Variants in ANXA8 observed in about 807,000 individuals in gnomAD.
ANXA8 encodes VAC-beta.
ANXA8 carries 9 observed loss-of-function variants against 26.8 expected under a neutral mutation model. The observed-to-expected ratio is 0.34, with a 90% CI of 0.20 to 0.59. The LOEUF is 0.59. Ranked by LOEUF, ANXA8 falls within the 20% of genes least tolerant of loss-of-function variation. ANXA8 has a pLI of 0.84. For missense variants in ANXA8, 83 were observed against 238.5 expected (o/e 0.35, Z 4.29); for synonymous variants, 39 against 94.8 (o/e 0.41, Z 3.42).
At chr10:47,525,887 C>T in the ANXA8 span, among the ~76,000 whole-genome samples, 2 of 128,578 alleles carry the variant, frequency 1.6e-5, no homozygotes, top group African/African-American at 3.0e-5. Context: ...TCACTGCAAC[C>T]TCCGCCTCCC....
chr10:47,966,034 G>A, the ANXA8 span, among the ~76,000 whole-genome samples: 78 of 140,262 alleles, frequency 5.6e-4, 1 homozygote, highest in East Asian at 0.013. Flanking sequence ...GATGTGGGAG[G>A]AGGGCAAAGG....
chr10:47,736,953 C>A, the ANXA8 span, among the ~76,000 whole-genome samples: 1 of 151,836 alleles, frequency 6.6e-6, no homozygotes, highest in Non-Finnish European at 1.5e-5. Flanking sequence ...CTGCGCCCAG[C>A]CTTAATTGAA....
At chr10:47,899,622 G>C in the ANXA8 span, among the ~76,000 whole-genome samples, 2 of 45,704 alleles carry the variant, frequency 4.4e-5, 1 homozygote, top group Non-Finnish European at 8.4e-5. Flanking sequence ...CCATTCTCCT[G>C]CCTCAGCCTC....
the ANXA8 span, among the ~76,000 whole-genome samples, chr10:47,693,541 C>G: frequency 6.6e-6 from 1 of 151,880 alleles, no homozygotes; most frequent in Non-Finnish European, 1.5e-5. Context: ...CCGCCCGCCT[C>G]GGCCTCCCAA....
At chr10:47,680,354 G>C in the ANXA8 span, among the ~76,000 whole-genome samples, 1 of 151,864 alleles carries the variant, frequency 6.6e-6, no homozygotes, top group African/African-American at 2.4e-5. Flanking sequence ...TCGAACTGTG[G>C]CCCGGCGTGG....
At chr10:47,969,278 C>T in the ANXA8 span, among the ~76,000 whole-genome samples, 6 of 151,610 alleles carry the variant, frequency 4.0e-5, no homozygotes, top group South Asian at 2.1e-4. Flanking sequence ...TTCCAACTAA[C>T]GCAGGGTGTA....
chr10:47,688,119 G>A, the ANXA8 span, among the ~76,000 whole-genome samples: 5 of 148,312 alleles, frequency 3.4e-5, no homozygotes, highest in Non-Finnish European at 6.0e-5. Context: ...ATAAATAAAG[G>A]GTCTCACTTT....
the ANXA8 span, among the ~76,000 whole-genome samples, chr10:47,671,932 T>C: frequency 1.7e-3 from 255 of 151,644 alleles, 1 homozygote; most frequent in African/African-American, 6.0e-3. Flanking sequence ...GACCAGTTAG[T>C]TTGTGCATTA....
chr10:47,672,967 T>G, the ANXA8 span, among the ~76,000 whole-genome samples: 1 of 151,240 alleles, frequency 6.6e-6, no homozygotes, highest in Admixed American at 6.6e-5. Context: ...CAAACTTTCA[T>G]AGTGGAGAAG....
the ANXA8 span, among the ~76,000 whole-genome samples, chr10:47,658,478 T>C: frequency 6.7e-5 from 10 of 149,354 alleles, no homozygotes; most frequent in Admixed American, 6.6e-4. Flanking sequence ...CAATCAACTT[T>C]TGGAGTTTAT....
the ANXA8 span, among the ~76,000 whole-genome samples, chr10:47,651,296 A>AG: frequency 3.3e-5 from 5 of 149,944 alleles, no homozygotes; most frequent in Non-Finnish European, 7.4e-5. Context: ...AAAAAAAAAA[A>AG]ACCCAAAAAA....
At chr10:47,986,669 G>T in the ANXA8 span, 9 of 361,460 alleles carry the variant, frequency 2.5e-5, no homozygotes, top group Non-Finnish European at 4.9e-5. Flanking sequence ...CAGAAAACTG[G>T]TGTTCAACAC....
chr10:47,658,100 G>A, the ANXA8 span, among the ~76,000 whole-genome samples: 1 of 151,886 alleles, frequency 6.6e-6, no homozygotes. Context: ...CCGGGTGCCG[G>A]TGGCTCACGC....
the ANXA8 span, among the ~76,000 whole-genome samples, chr10:47,585,702 G>A: frequency 1.9e-4 from 24 of 129,388 alleles, no homozygotes; most frequent in African/African-American, 7.4e-4. Context: ...CTGGTTTGGG[G>A]TTTTGAAGAG....
the ANXA8 span, among the ~76,000 whole-genome samples, chr10:47,578,079 G>T: frequency 0.012 from 780 of 63,930 alleles, 94 homozygotes; most frequent in African/African-American, 0.039. Flanking sequence ...ACTTTGGGAG[G>T]CCGAGGCAGG....
chr10:47,894,794 C>T, the ANXA8 span, among the ~76,000 whole-genome samples: 1 of 152,408 alleles, frequency 6.6e-6, no homozygotes, highest in East Asian at 1.9e-4. Flanking sequence ...ACACCACACA[C>T]ACACCACATA....
chr10:47,750,025 TAACAC>T, the ANXA8 span, among the ~76,000 whole-genome samples: 1 of 152,018 alleles, frequency 6.6e-6, no homozygotes, highest in African/African-American at 2.4e-5. Flanking sequence ...ATGAGCCTAA[TAACAC>T]AACCTCTAAA....
chr10:47,680,033 T>C, the ANXA8 span, among the ~76,000 whole-genome samples: 1 of 151,518 alleles, frequency 6.6e-6, no homozygotes, highest in Admixed American at 6.6e-5. Flanking sequence ...TGGAGTGCAA[T>C]GGCATAGTCT....
the ANXA8 span, among the ~76,000 whole-genome samples, chr10:47,735,251 CACA>C: frequency 2.9e-5 from 4 of 140,020 alleles, no homozygotes; most frequent in South Asian, 4.4e-4. Context: ...AAGGGCAGAC[CACA>C]ACAACTGATT....
Sources: allele counts gnomAD v4.1 joint callset (sites outside exome capture counted in the v4.1 genomes callset), GRCh38; gene constraint gnomAD v4.1.1; transcripts MANE v1.5; gene names NCBI Gene and HGNC (gene_info 2026-07-23, HGNC 2026-07-21).